The following LAMA2 variants were observed in gnomAD, a reference collection of about 807,000 sequenced individuals.
LAMA2 encodes the protein laminin subunit alpha-2.
Under a neutral mutation model 364.8 loss-of-function variants are expected in LAMA2, and 269 were observed. The ratio of observed to expected loss-of-function variants is 0.74; its 90% CI spans 0.67 to 0.82. The LOEUF is 0.82. LAMA2 is among the 40% of genes least tolerant of loss of function. The pLI, the probability that LAMA2 is intolerant of heterozygous loss-of-function variation, is 0.00. For synonymous variants in LAMA2, 1,379 were observed against 1,370.6 expected, an observed-to-expected ratio of 1.01 and a Z score of -0.14; for missense variants, 3,807 against 3,873.2, an observed-to-expected ratio of 0.98 and a Z score of 0.45.
chr6:129,501,584 CTG>C (rs137876245), intron 58 of LAMA2, among the ~76,000 whole-genome samples: 2,070 of 152,318 alleles, frequency 0.014, 45 homozygotes, highest in African/African-American at 0.047. Flanking sequence ...GGGAAGAACA[CTG>C]TGCATCAAAA....
intron 3 of LAMA2, among the ~76,000 whole-genome samples, chr6:129,063,217 G>A (rs1582969952): frequency 6.6e-6 from 1 of 152,094 alleles, no homozygotes; most frequent in East Asian, 1.9e-4. Context: ...GCTATTAAAA[G>A]GATCTAGAGT....
In LAMA2 at chr6:129,144,013, T is replaced by G; in HGVS notation, c.752T>G (p.Leu251Arg). 1 of 1,612,812 alleles carries G rather than the reference T, an allele frequency of 6.2e-7. No homozygotes were observed. The highest frequency in any genetic ancestry group is 8.5e-7 in the Non-Finnish European group (1 of 1,179,158). Reference sequence around the variant, plus strand: ...CTGAGATTTCAGAGGATCCGCACACTGAATGCTGACTTGATGATGTTTGCT... The same window carrying G: ...CTGAGATTTCAGAGGATCCGCACACGGAATGCTGACTTGATGATGTTTGCT... ...IRLRFQRIRT[L>R]NADLMMFAHK... The change falls in exon 5 of 65, where the codon CTG becomes CGG. Residue 251 changes from leucine to arginine, a missense_variant. Physicochemically the swap from Leu to Arg is moderately radical, Grantham distance 102. Transcript: ENST00000421865.
Position 129,440,863 on chromosome 6 carries a change from A to G in LAMA2, c.6133A>G (p.Asn2045Asp), listed in dbSNP as rs886061053. ...TGTTAAGGACAAAGCCAGACAAGCCAACGACACAGCTAAAGATGTACTGGC... is the reference window on the plus strand; with the variant it reads ...TGTTAAGGACAAAGCCAGACAAGCCGACGACACAGCTAAAGATGTACTGGC... The part of the protein sequence containing the change: ...QAVKDKARQA[N>D]DTAKDVLAQI... Residue 2045 changes from asparagine (N) to aspartate (D), a missense_variant, in exon 43 of 65, where the codon AAC becomes GAC. Physicochemically the swap from Asn to Asp is conservative, Grantham distance 23. Around this residue, in one of 3 missense-constraint regions of LAMA2, gnomAD observed 3,333 missense variants for 3,345.7 expected, o/e 1.00. Coordinates refer to ENST00000421865, the MANE Select transcript of LAMA2 (RefSeq NM_000426.4). 4 of 1,614,016 alleles carry G rather than the reference A, an allele frequency of 2.5e-6. No individual in the cohort carries two copies. The highest frequency in any genetic ancestry group is 3.4e-6 in the Non-Finnish European group (4 of 1,179,912).
intron 45 of LAMA2, among the ~76,000 whole-genome samples, chr6:129,449,001 C>T (rs1322433202): frequency 1.3e-5 from 2 of 152,052 alleles, no homozygotes; most frequent in Non-Finnish European, 2.9e-5. Flanking sequence ...TTTTGATTTA[C>T]CTGTTTTAAG....
At chr6:129,222,956 C>T (rs1194223602) in intron 12 of LAMA2, among the ~76,000 whole-genome samples, 1 of 152,216 alleles carries the variant, frequency 6.6e-6, no homozygotes, top group Admixed American at 6.5e-5. Flanking sequence ...TACAATCCCA[C>T]CAACAGTGTA....
intron 1 of LAMA2, among the ~76,000 whole-genome samples, chr6:128,986,562 C>T (rs1783250624): frequency 6.6e-6 from 1 of 151,748 alleles, no homozygotes; most frequent in Non-Finnish European, 1.5e-5. Context: ...AGTTTTGATT[C>T]CTAATAACTT....
intron 1 of LAMA2, among the ~76,000 whole-genome samples, chr6:128,924,227 T>A (rs1582690036): frequency 6.6e-6 from 1 of 152,156 alleles, no homozygotes; most frequent in South Asian, 2.1e-4. Context: ...CACACACATA[T>A]GTATTTATGT....
chr6:129,334,961 C>T (rs1246206702), intron 29 of LAMA2, among the ~76,000 whole-genome samples: 1 of 152,148 alleles, frequency 6.6e-6, no homozygotes, highest in Non-Finnish European at 1.5e-5. Flanking sequence ...TTGTTCAGGC[C>T]ATAGCAAGCC....
chr6:129,115,942 A>G (rs953612036), intron 4 of LAMA2, among the ~76,000 whole-genome samples: 24 of 152,200 alleles, frequency 1.6e-4, no homozygotes, highest in South Asian at 1.0e-3. Flanking sequence ...GCAACTTACA[A>G]TTTCTTCTTT....
At chr6:128,929,023 A>T (rs556547769) in intron 1 of LAMA2, 1 of 1,414,378 alleles carries the variant, frequency 7.1e-7, no homozygotes, top group African/African-American at 1.4e-5. Flanking sequence ...CCATATATGC[A>T]TTCAAGAAGC....
At chr6:128,939,337 CTT>C (rs773284154) in intron 1 of LAMA2, among the ~76,000 whole-genome samples, 1 of 143,356 alleles carries the variant, frequency 7.0e-6, no homozygotes. Flanking sequence ...CAAGAGTTTC[CTT>C]TTTTTTTTTC....
At chr6:128,923,334 C>A (rs1178016593) in intron 1 of LAMA2, among the ~76,000 whole-genome samples, 1 of 151,044 alleles carries the variant, frequency 6.6e-6, no homozygotes, top group African/African-American at 2.4e-5. Context: ...ATTCTTCCTA[C>A]CCATGAGCAT....
chr6:129,059,976 G>A (rs919487442), intron 3 of LAMA2, 80 bp downstream of exon 3: 2 of 794,886 alleles, frequency 2.5e-6, no homozygotes, highest in African/African-American at 3.4e-5. Context: ...GTGGTTTGTG[G>A]GTGAAAGGAT....
chr6:129,166,999 A>C (rs1779783388), intron 9 of LAMA2, among the ~76,000 whole-genome samples: 1 of 152,172 alleles, frequency 6.6e-6, no homozygotes, highest in South Asian at 2.1e-4. Flanking sequence ...TCCTTTAATA[A>C]TACTTATTCC....
intron 1 of LAMA2, among the ~76,000 whole-genome samples, chr6:128,924,717 G>T (rs1291731199): frequency 3.3e-5 from 5 of 152,166 alleles, no homozygotes; most frequent in African/African-American, 2.4e-5. Flanking sequence ...ATGCAGAGGG[G>T]TTATTTCCCA....
chr6:129,464,444 C>T lies in LAMA2; in HGVS notation c.7147C>T (p.Arg2383Ter), dbSNP rs121913576. Residue 2383 changes from arginine to a stop codon, truncating the protein, a stop_gained, in exon 50 of 65, where the codon CGA becomes TGA. Coordinates refer to ENST00000421865, the MANE Select transcript of LAMA2 (RefSeq NM_000426.4). LOFTEE classifies it high-confidence loss of function. ...SSALLMYLAT[R>*]DLRDFMSVEL... The stretch of plus-strand genomic sequence containing the variant: ...TGCTCTTCTGATGTATCTTGCCACA[C>T]GAGACCTGGTAAAGATCATATGCAT... The T allele has an allele frequency of 8.1e-6, 13 of 1,611,592 alleles. No individual in the cohort carries two copies. Among genetic ancestry groups the T allele is most frequent in the East Asian group, 4.5e-5 (2 of 44,822 alleles).
chr6:129,221,216 A>G (rs543388101), intron 12 of LAMA2, among the ~76,000 whole-genome samples: 1 of 151,664 alleles, frequency 6.6e-6, no homozygotes, highest in African/African-American at 2.4e-5. Context: ...GGACCTACAA[A>G]TGTCAATACT....
rs1787868075 is a variant in LAMA2 at position 129,270,682 on chromosome 6, G to A, written c.2381G>A (p.Gly794Asp). The A allele has an allele frequency of 6.2e-7, 1 of 1,612,906 alleles. No homozygotes were observed. Among genetic ancestry groups the A allele is most frequent in the Admixed American group, 1.7e-5 (1 of 59,852 alleles). Residue 794 changes from glycine to aspartate, a missense_variant, in exon 17 of 65, where the codon GGC (glycine) becomes GAC (aspartate). This residue lies in a region of LAMA2 where 3,333 missense variants were observed against 3,345.7 expected (regional missense o/e 1.00). Transcript: ENST00000421865. The stretch of plus-strand genomic sequence containing the variant: ...GATAAATGTCTTCCTGGTTTCTATG[G>A]CGAGCCTACTAAAGGAACCTCTGAA... The part of the protein sequence containing the change: ...YCDKCLPGFY[G>D]EPTKGTSEDC...
At chr6:129,328,538 G>A (rs1775440246) in intron 29 of LAMA2, 126 bp downstream of exon 29, 3 of 1,464,052 alleles carry the variant, frequency 2.0e-6, no homozygotes, top group East Asian at 2.3e-5. Context: ...AATAAAATAT[G>A]TAAGGGAAAA....
Sources: gnomAD v4.1 joint callset for allele counts (sites outside exome capture counted in the v4.1 genomes callset) on GRCh38, gnomAD v4.1.1 for gene constraint, gnomAD v4.1.1 regional missense constraint, MANE v1.5 for transcripts, NCBI Gene and HGNC (gene_info 2026-07-23, HGNC 2026-07-21) for gene names.